The following ADGB variants were observed in gnomAD, a reference collection of about 807,000 sequenced individuals.
The protein encoded by ADGB is androglobin.
In ADGB, 172 loss-of-function variants were observed where a neutral mutation model predicts 210.5. That is an observed-to-expected ratio of 0.82 (90% CI 0.72 to 0.93). The LOEUF (loss-of-function observed/expected upper bound fraction) is 0.93. Ranked by LOEUF, ADGB falls within the 40% of genes least tolerant of loss-of-function variation. ADGB has a pLI of 0.00. For synonymous variants in ADGB, 658 were observed against 662.7 expected (o/e 0.99, Z 0.11); for missense variants, 2,025 against 1,964.8 (o/e 1.03, Z -0.58).
rs891061007 is a variant in ADGB, at chr6:146,726,909, G to T, written c.2352+712G>T. Among the ~76,000 whole-genome samples the T allele has an allele frequency of 3.3e-5, 5 of 152,178 alleles. No individual in the cohort carries two copies. In the South Asian group the frequency reaches 1.0e-3, roughly 32 times the overall value. ...TAAGGAATCTGGAGCATGTGCCTGG[G>T]ATTTAGCAGGGAAGGAGTAGCTCAG... On this transcript the variant is annotated intron_variant, in intron 19 of 35. Coordinates refer to ENST00000397944, the MANE Select transcript of ADGB (RefSeq NM_024694.4).
chr6:146,730,068 A>G (rs969104947), intron 20 of ADGB, among the ~76,000 whole-genome samples: 6 of 152,200 alleles, frequency 3.9e-5, no homozygotes, highest in South Asian at 2.1e-4. Context: ...TTTTGCGTGT[A>G]AACAAACCAT....
At chr6:146,805,413 G>C (rs1356343888) in intron 35 of ADGB, among the ~76,000 whole-genome samples, 1 of 152,140 alleles carries the variant, frequency 6.6e-6, no homozygotes, top group Non-Finnish European at 1.5e-5. Context: ...AAGAGGGAGG[G>C]CAATGCTACG....
chr6:146,615,046 G>A (rs867236642), intron 1 of ADGB, among the ~76,000 whole-genome samples: 3 of 150,852 alleles, frequency 2.0e-5, no homozygotes, highest in Non-Finnish European at 2.9e-5. Flanking sequence ...GACTACAGGC[G>A]CCCACCACCA....
intron 33 of ADGB, among the ~76,000 whole-genome samples, chr6:146,788,937 TTG>T (rs1193970443): frequency 6.6e-6 from 1 of 152,228 alleles, no homozygotes; most frequent in African/African-American, 2.4e-5. Context: ...ACAGATTTTT[TTG>T]TGTTATCTGT....
intron 8 of ADGB, among the ~76,000 whole-genome samples, chr6:146,675,201 C>T (rs1218291762): frequency 6.6e-6 from 1 of 151,990 alleles, no homozygotes; most frequent in African/African-American, 2.4e-5. Context: ...CACCTGTATT[C>T]CCAGCACTTT....
At chr6:146,612,464 A>C (rs185194578) in intron 1 of ADGB, among the ~76,000 whole-genome samples, 1 of 152,208 alleles carries the variant, frequency 6.6e-6, no homozygotes, top group East Asian at 1.9e-4. Context: ...TTAACTCCAG[A>C]GATCAGTCAT....
At chr6:146,683,390 C>A (rs1464927973) in intron 9 of ADGB, among the ~76,000 whole-genome samples, 1 of 152,056 alleles carries the variant, frequency 6.6e-6, no homozygotes, top group Admixed American at 6.6e-5. Flanking sequence ...TCCTATCCAG[C>A]TTTTACAGAT....
At chr6:146,753,433 CTTTA>C (rs1777356264) in intron 27 of ADGB, among the ~76,000 whole-genome samples, 2 of 152,014 alleles carry the variant, frequency 1.3e-5, no homozygotes, top group South Asian at 2.1e-4. Context: ...AAAATAATAA[CTTTA>C]TTTATTTTTT....
intron 1 of ADGB, among the ~76,000 whole-genome samples, chr6:146,614,987 G>A (rs117731079): frequency 0.012 from 1,876 of 152,152 alleles, 21 homozygotes; most frequent in South Asian, 0.021. Flanking sequence ...TGCAGGCTTC[G>A]CCTCCCGGGT....
chr6:146,659,291 T>C (rs1321314573), intron 5 of ADGB, among the ~76,000 whole-genome samples: 1 of 152,230 alleles, frequency 6.6e-6, no homozygotes, highest in Non-Finnish European at 1.5e-5. Flanking sequence ...TACTTCTACT[T>C]CTTGATTCAG....
chr6:146,668,455 G>A (rs973684405), intron 7 of ADGB, among the ~76,000 whole-genome samples: 1 of 152,050 alleles, frequency 6.6e-6, no homozygotes, highest in African/African-American at 2.4e-5. Context: ...TGGAGGGTAG[G>A]AGCTGATCTT....
At chr6:146,723,498 G>A (rs1163786065) in intron 17 of ADGB, among the ~76,000 whole-genome samples, 4 of 152,190 alleles carry the variant, frequency 2.6e-5, no homozygotes, top group African/African-American at 9.6e-5. Flanking sequence ...CACTTTGGGA[G>A]GTTGAGGCGG....
At chr6:146,628,788 CAA>C (rs1341405137) in intron 1 of ADGB, among the ~76,000 whole-genome samples, 1 of 151,888 alleles carries the variant, frequency 6.6e-6, no homozygotes, top group African/African-American at 2.4e-5. Flanking sequence ...ACACTGGGCA[CAA>C]TGTCCCCCTC....
Position 146,733,235 on chromosome 6 carries a change from C to A in ADGB, c.2636C>A (p.Ser879Tyr). The A allele has an allele frequency of 2.0e-6, 3 of 1,532,662 alleles. No individual in the cohort carries two copies. Among genetic ancestry groups the A allele is most frequent in the African/African-American group, 1.4e-5 (1 of 72,260 alleles). 94.9% of individuals were successfully genotyped at this position (1,532,662 alleles called of 1,614,324 possible). ...MVLDLELLNS[S>Y]LEEVSLVEWL... ...TTGGACTTGGAGTTACTCAATTCCT[C>A]CTTGGAAGAGGTTTCTTTAGGTACC... The change falls in exon 21 of 36, where the codon TCC becomes TAC. Residue 879 changes from serine to tyrosine, a missense_variant. Ser to Tyr is a moderately radical substitution (Grantham distance 144, BLOSUM62 -2). Coordinates refer to ENST00000397944, the MANE Select transcript of ADGB (RefSeq NM_024694.4).
At chr6:146,640,999 A>G (rs557292738) in intron 2 of ADGB, among the ~76,000 whole-genome samples, 31 of 152,094 alleles carry the variant, frequency 2.0e-4, no homozygotes, top group African/African-American at 6.5e-4. Context: ...ACATAATTCT[A>G]TATCTAGAAA....
intron 29 of ADGB, among the ~76,000 whole-genome samples, chr6:146,771,246 G>C (rs1777647560): frequency 6.6e-6 from 1 of 152,096 alleles, no homozygotes; most frequent in East Asian, 1.9e-4. Flanking sequence ...TGGGTCTTCA[G>C]CTGTGAAGGT....
chr6:146,811,167 A>C (rs1217895415), intron 35 of ADGB, among the ~76,000 whole-genome samples: 1 of 152,138 alleles, frequency 6.6e-6, no homozygotes, highest in Non-Finnish European at 1.5e-5. Context: ...ACACACATAG[A>C]AACAACCTAT....
intron 28 of ADGB, among the ~76,000 whole-genome samples, chr6:146,768,210 C>G (rs756152019): frequency 6.6e-6 from 1 of 152,144 alleles, no homozygotes; most frequent in Non-Finnish European, 1.5e-5. Flanking sequence ...CAATCCCAAT[C>G]AAAATTCCCA....
intron 8 of ADGB, among the ~76,000 whole-genome samples, chr6:146,674,468 A>C (rs1158492574): frequency 6.6e-6 from 1 of 152,186 alleles, no homozygotes; most frequent in Non-Finnish European, 1.5e-5. Flanking sequence ...GGATTGGGCC[A>C]GCCCAGGGAG....
Sources: gnomAD v4.1 joint callset for allele counts (sites outside exome capture counted in the v4.1 genomes callset) on GRCh38, gnomAD v4.1.1 for gene constraint, MANE v1.5 for transcripts, NCBI Gene and HGNC (gene_info 2026-07-23, HGNC 2026-07-21) for gene names.